DEAF1: variants seen among roughly 807,000 people sequenced by gnomAD.
DEAF1 encodes the protein deformed epidermal autoregulatory factor 1 homolog.
DEAF1 carries 53 observed loss-of-function variants against 58.9 expected under a neutral mutation model. That is an observed-to-expected ratio of 0.90 (90% confidence interval 0.72 to 1.13). The LOEUF (loss-of-function observed/expected upper bound fraction) is 1.13. Ranked by LOEUF, DEAF1 falls within the 50% of genes most tolerant of loss-of-function variation. The pLI is 0.00. For missense variants in DEAF1, 685 were observed against 791.4 expected, an observed-to-expected ratio of 0.87 and a Z score of 1.61; for synonymous variants, 385 against 340.4, an observed-to-expected ratio of 1.13 and a Z score of -1.44.
intron 6 of DEAF1, among the ~76,000 whole-genome samples, chr11:683,708 A>G (rs1035957382): frequency 1.3e-5 from 2 of 152,214 alleles, no homozygotes; most frequent in Non-Finnish European, 2.9e-5. Flanking sequence ...CTACGAATCA[A>G]CTTGGGAAAA....
At chr11:699,834 TG>T (rs1203250204), upstream of DEAF1, 1 of 323,850 alleles carries the variant, frequency 3.1e-6, no homozygotes, top group African/African-American at 2.1e-5. Flanking sequence ...TCACTGGGGA[TG>T]CCAGTGTGTG....
At chr11:698,255 AAGG>A (rs749015994), upstream of DEAF1, among the ~76,000 whole-genome samples, 6 of 152,080 alleles carry the variant, frequency 3.9e-5, no homozygotes, top group Non-Finnish European at 5.9e-5. Context: ...CAGAATCAAA[AAGG>A]AGGAAAGAGA....
chr11:699,038 T>A, upstream of DEAF1: 1 of 895,392 alleles, frequency 1.1e-6, no homozygotes, highest in Non-Finnish European at 1.8e-6. Context: ...ATTTAGAGAG[T>A]TGATGTAACT....
chr11:678,511 T>C (rs907394133), intron 9 of DEAF1, 183 bp downstream of exon 9: 2 of 845,934 alleles, frequency 2.4e-6, no homozygotes, highest in Non-Finnish European at 3.8e-6. Context: ...GACGTGGCTG[T>C]GTGTCAGTAA....
chr11:646,290 A>C (rs571117326), intron 11 of DEAF1: 1 of 151,238 alleles, frequency 6.6e-6, no homozygotes, highest in Non-Finnish European at 1.5e-5. Flanking sequence ...ATTACCTGGT[A>C]ATAGACTATA....
At chr11:678,054 G>T (rs1016436190) in intron 9 of DEAF1, among the ~76,000 whole-genome samples, 1 of 151,728 alleles carries the variant, frequency 6.6e-6, no homozygotes, top group African/African-American at 2.4e-5. Flanking sequence ...GGAGGCTGAG[G>T]CGGATGGATC....
intron 1 of DEAF1, chr11:700,630 A>G: frequency 1.2e-6 from 2 of 1,613,772 alleles, no homozygotes; most frequent in Admixed American, 1.7e-5. Context: ...GTGTTCAGCT[A>G]TCCTCACCGC....
chr11:696,997 C>T (rs1861210445), upstream of DEAF1, among the ~76,000 whole-genome samples: 1 of 144,720 alleles, frequency 6.9e-6, no homozygotes, highest in Non-Finnish European at 1.5e-5. Flanking sequence ...GAGAATTGCT[C>T]GAACCCGGTG....
chr11:697,890 T>C (rs56394618), upstream of DEAF1: 56,938 of 152,110 alleles, frequency 0.37, 12,173 homozygotes, highest in East Asian at 0.5. Flanking sequence ...CTCTTGCCTG[T>C]GTGAGATTCC....
intron 2 of DEAF1, among the ~76,000 whole-genome samples, chr11:691,230 T>C (rs772459326): frequency 3.3e-5 from 5 of 152,236 alleles, no homozygotes; most frequent in African/African-American, 4.8e-5. Flanking sequence ...AGCAGCCTGC[T>C]GGGAGTCCCT....
chr11:651,864 C>G (rs750879451), intron 11 of DEAF1, among the ~76,000 whole-genome samples: 1 of 152,054 alleles, frequency 6.6e-6, no homozygotes, highest in Non-Finnish European at 1.5e-5. Context: ...CCAGCCTGGG[C>G]GACAGAGCGA....
chr11:704,338 G>A, intron 1 of DEAF1: 1 of 843,978 alleles, frequency 1.2e-6, no homozygotes, highest in Non-Finnish European at 1.7e-6. Context: ...TGGGGTGGCT[G>A]TGGCTGTGGC....
At chr11:657,701 G>A (rs536446442) in intron 10 of DEAF1, among the ~76,000 whole-genome samples, 1 of 152,282 alleles carries the variant, frequency 6.6e-6, no homozygotes, top group East Asian at 1.9e-4. Context: ...ACAGTGGGGT[G>A]AGACAGGCGG....
chr11:677,496 G>T (rs1860133945), intron 9 of DEAF1, among the ~76,000 whole-genome samples: 1 of 105,846 alleles, frequency 9.4e-6, no homozygotes, highest in African/African-American at 2.9e-5. Flanking sequence ...AGTTTAGATA[G>T]GCAAAAGAGA....
chr11:693,546 G>C (rs1414229767), intron 1 of DEAF1: 1 of 152,388 alleles, frequency 6.6e-6, no homozygotes, highest in Non-Finnish European at 1.5e-5. Context: ...TAGGGGAAAA[G>C]TGCCTCACAA....
chr11:700,174 T>A, upstream of DEAF1: 1 of 1,614,172 alleles, frequency 6.2e-7, no homozygotes, highest in East Asian at 2.2e-5. Flanking sequence ...TGCTGTTTTA[T>A]CTCAGCGGAA....
chr11:664,016 C>G (rs1013275005), intron 10 of DEAF1, among the ~76,000 whole-genome samples: 1 of 152,034 alleles, frequency 6.6e-6, no homozygotes, highest in Non-Finnish European at 1.5e-5. Flanking sequence ...AGTTCAAGAC[C>G]AGCCTGACCA....
intron 6 of DEAF1, among the ~76,000 whole-genome samples, chr11:683,023 G>A (rs1245997040): frequency 6.6e-6 from 1 of 152,118 alleles, no homozygotes; most frequent in East Asian, 1.9e-4. Flanking sequence ...TAGCTCAAAC[G>A]TCACAATCCT....
At chr11:681,766 A>G (rs377364238) in intron 6 of DEAF1, among the ~76,000 whole-genome samples, 7 of 152,070 alleles carry the variant, frequency 4.6e-5, no homozygotes, top group South Asian at 4.1e-4. Context: ...GTGAGGAGAC[A>G]GTGTCTTCAG....
Sources: gnomAD v4.1 joint callset for allele counts (sites outside exome capture counted in the v4.1 genomes callset) on GRCh38, gnomAD v4.1.1 for gene constraint, MANE v1.5 for transcripts, NCBI Gene and HGNC (gene_info 2026-07-23, HGNC 2026-07-21) for gene names.